Variants in PLXNA4 observed in about 807,000 individuals in gnomAD.
PLXNA4 encodes plexin-A4.
In PLXNA4, 44 loss-of-function variants were observed where a neutral mutation model predicts 191.8. The observed-to-expected ratio is 0.23, with a 90% CI of 0.18 to 0.29. The LOEUF (loss-of-function observed/expected upper bound fraction) is 0.29. Ranked by LOEUF, PLXNA4 falls within the 10% of genes least tolerant of loss-of-function variation. PLXNA4 has a pLI of 1.00. For missense variants in PLXNA4, 1,800 were observed against 2,488.8 expected (o/e 0.72, Z 5.89); for synonymous variants, 1,082 against 1,009.5 (o/e 1.07, Z -1.36).
At chr7:132,498,737 G>A (rs1319821243) in intron 2 of PLXNA4, among the ~76,000 whole-genome samples, 1 of 152,186 alleles carries the variant, frequency 6.6e-6, no homozygotes, top group Non-Finnish European at 1.5e-5. Flanking sequence ...CAGTTCTCAA[G>A]AACCAAGAGC....
Position 132,508,723 on chromosome 7 carries a change from C to T in PLXNA4, c.-30G>A, listed in dbSNP as rs767498619. ...GAGGCGGGTCCCAGTGGCACAGCAGCACTCAGGCACAGTCGTCCCCTCAGA... is the reference window on the plus strand; with the variant it reads ...GAGGCGGGTCCCAGTGGCACAGCAGTACTCAGGCACAGTCGTCCCCTCAGA... On this transcript the variant is annotated 5_prime_UTR_variant, in exon 2 of 32. Transcript: ENST00000321063. This position sits in a 1 kb window ranked among gnomAD's most constrained non-coding sequence, Gnocchi z 4.4. 2.0e-6 allele frequency: 3 copies of T among 1,474,592 alleles called. No homozygotes were observed. Among genetic ancestry groups the T allele is most frequent in the Non-Finnish European group, 2.7e-6 (3 of 1,115,720 alleles). 91.3% of individuals were successfully genotyped at this position (1,474,592 alleles called of 1,614,324 possible).
chr7:132,555,317 G>A (rs1327159402), intron 1 of PLXNA4, among the ~76,000 whole-genome samples: 2 of 152,108 alleles, frequency 1.3e-5, no homozygotes, highest in Admixed American at 6.5e-5. Context: ...AATGCAATGG[G>A]ACCAGCCACC....
At chr7:132,162,058 C>G (rs775156429) in intron 24 of PLXNA4, among the ~76,000 whole-genome samples, 1 of 152,186 alleles carries the variant, frequency 6.6e-6, no homozygotes, top group Non-Finnish European at 1.5e-5. Flanking sequence ...AGAGCCTCTC[C>G]GTGGTTCTCT....
At chr7:132,371,136 C>T (rs1258550636) in intron 3 of PLXNA4, among the ~76,000 whole-genome samples, 4 of 151,020 alleles carry the variant, frequency 2.6e-5, no homozygotes, top group East Asian at 1.9e-4. Context: ...GCTGGGGAGA[C>T]GGGTTGGGGT....
intron 5 of PLXNA4, among the ~76,000 whole-genome samples, chr7:132,231,471 C>T (rs577040949): frequency 6.6e-6 from 1 of 152,278 alleles, no homozygotes; most frequent in East Asian, 1.9e-4. Flanking sequence ...GTAGCCCAGG[C>T]TGGAATGCAG....
At chr7:132,130,680 C>A in intron 31 of PLXNA4, 106 bp from the exon 32 acceptor site, 1 of 1,521,758 alleles carries the variant, frequency 6.6e-7, no homozygotes, top group Non-Finnish European at 8.9e-7. Context: ...CGGGAAGCCA[C>A]AGGCATGTGC....
chr7:132,629,606 T>C (rs1803452495), intron 2 of PLXNA4, among the ~76,000 whole-genome samples: 1 of 152,230 alleles, frequency 6.6e-6, no homozygotes, highest in Admixed American at 6.5e-5. Context: ...AACTTTTAAC[T>C]GTTTCTCCTA....
intron 3 of PLXNA4, among the ~76,000 whole-genome samples, chr7:132,323,605 T>C (rs775625235): frequency 1.3e-5 from 2 of 152,206 alleles, no homozygotes; most frequent in Non-Finnish European, 2.9e-5. Flanking sequence ...GGTGTCACCA[T>C]GCCAGGGAGT....
At chr7:132,428,913 G>A (rs1312223330) in intron 3 of PLXNA4, among the ~76,000 whole-genome samples, 2 of 152,202 alleles carry the variant, frequency 1.3e-5, no homozygotes, top group Admixed American at 6.5e-5. Flanking sequence ...ACCAATGTGA[G>A]GAAAAGATGG....
intron 4 of PLXNA4, among the ~76,000 whole-genome samples, chr7:132,273,069 T>C (rs2116339469): frequency 6.6e-6 from 1 of 152,334 alleles, no homozygotes; most frequent in East Asian, 1.9e-4. Flanking sequence ...CATCAAATGT[T>C]TGACAAATGA....
chr7:132,145,626 CA>C (rs1381894725), intron 28 of PLXNA4: 1 of 304,762 alleles, frequency 3.3e-6, no homozygotes, highest in Non-Finnish European at 6.2e-6. Context: ...TCAGAGCAGA[CA>C]AACACAATCT....
chr7:132,591,686 G>A (rs1023241689), intron 2 of PLXNA4, among the ~76,000 whole-genome samples: 1 of 152,086 alleles, frequency 6.6e-6, no homozygotes, highest in African/African-American at 2.4e-5. Context: ...ACATATAAAG[G>A]ACTTAGCACA....
intron 3 of PLXNA4, among the ~76,000 whole-genome samples, chr7:132,298,620 T>C (rs1452400279): frequency 6.6e-6 from 1 of 152,276 alleles, no homozygotes; most frequent in East Asian, 1.9e-4. Flanking sequence ...ATTTGCTGCA[T>C]TTGTTAGCAG....
At chr7:132,536,996 A>C (rs1799865970) in intron 1 of PLXNA4, among the ~76,000 whole-genome samples, 1 of 152,218 alleles carries the variant, frequency 6.6e-6, no homozygotes, top group Non-Finnish European at 1.5e-5. Context: ...GCTGATTTAA[A>C]AGATGGCAAG....
At chr7:132,562,051 CTCCCTCCTCCTTCTCCTCCTCTT>C (rs1428281088) in intron 1 of PLXNA4, among the ~76,000 whole-genome samples, 3 of 111,908 alleles carry the variant, frequency 2.7e-5, no homozygotes, top group African/African-American at 1.1e-4. Flanking sequence ...TCCTCCTCCT[CTCCCTCCTCCTTCTCCTCCTCTT>C]CCTCCTCCTC....
chr7:132,556,957 T>C (rs1293701889), intron 1 of PLXNA4, among the ~76,000 whole-genome samples: 1 of 152,122 alleles, frequency 6.6e-6, no homozygotes, highest in Non-Finnish European at 1.5e-5. Flanking sequence ...CAAAAAGAAA[T>C]TGAATGTGAC....
chr7:132,193,263 C>G (rs1162111706), intron 14 of PLXNA4, among the ~76,000 whole-genome samples: 3 of 152,200 alleles, frequency 2.0e-5, no homozygotes, highest in Non-Finnish European at 4.4e-5. Context: ...CGCTCTTGCT[C>G]TCTTGCACAC....
intron 2 of PLXNA4, among the ~76,000 whole-genome samples, chr7:132,495,438 C>T (rs1377691301): frequency 2.0e-5 from 3 of 152,180 alleles, no homozygotes; most frequent in African/African-American, 4.8e-5. Flanking sequence ...CTAAGCTGAT[C>T]CTGAAGAGGC....
At chr7:132,326,483 C>G (rs879880169) in intron 3 of PLXNA4, among the ~76,000 whole-genome samples, 3 of 152,112 alleles carry the variant, frequency 2.0e-5, no homozygotes, top group Non-Finnish European at 2.9e-5. Context: ...GGTCTGGCCC[C>G]CTCTCTGTCC....
Sources: gnomAD v4.1 joint callset for allele counts (sites outside exome capture counted in the v4.1 genomes callset) on GRCh38, gnomAD v4.1.1 for gene constraint, Gnocchi (gnomAD v3.1) non-coding constraint, MANE v1.5 for transcripts, NCBI Gene and HGNC (gene_info 2026-07-23, HGNC 2026-07-21) for gene names.